VGLL1: variants seen among roughly 807,000 people sequenced by gnomAD.
The protein encoded by VGLL1 is vestigial like family member 1.
A neutral mutation model predicts 12.0 loss-of-function variants in VGLL1; 4 were observed. The observed-to-expected ratio is 0.33, with a 90% confidence interval of 0.16 to 0.76. The LOEUF (loss-of-function observed/expected upper bound fraction) is 0.76, where lower values mean the gene tolerates loss of function less well. Ranked by LOEUF, VGLL1 falls within the 30% of genes least tolerant of loss-of-function variation. The pLI is 0.60. For synonymous variants in VGLL1, 87 were observed against 81.2 expected (o/e 1.07, Z -0.39); for missense variants, 204 against 208.7 (o/e 0.98, Z 0.14).
chrX:136,552,905 C>A (rs2075890376), intron 4 of VGLL1, among the ~76,000 whole-genome samples: 1 of 111,560 alleles, frequency 9.0e-6, no homozygotes, highest in Non-Finnish European at 1.9e-5. Context: ...GGGCACTATC[C>A]TAAAATAAAG....
chrX:136,556,500 C>T lies in VGLL1; in HGVS notation c.738C>T (p.Asn246=). ...GGAAATACTCACTTACACCACCAAA[C>T]CACTGGGGCCACCCACATCGATACC... is the stretch of plus-strand genomic sequence containing the variant. ...TPGKYSLTPP[N]HWGHPHRYLQ... Residue 246 remains asparagine (N), a synonymous_variant, in exon 5 of 5, where the codon AAC becomes AAT. Coordinates refer to ENST00000370634, the MANE Select transcript of VGLL1 (RefSeq NM_016267.4). 8.3e-7 allele frequency: 1 copy of T among 1,211,436 alleles called. No individual in the cohort carries two copies. Among genetic ancestry groups the T allele is most frequent in the Non-Finnish European group, 1.1e-6 (1 of 895,213 alleles).
In VGLL1 at chrX:136,544,726, G is replaced by T. The variant is rs758435191; in HGVS notation, c.215-3863G>T. Among the ~76,000 whole-genome samples the T allele has an allele frequency of 2.7e-5, 3 of 112,369 alleles. No homozygotes were observed. In the South Asian group the frequency reaches 1.1e-3, roughly 42 times the overall value. ...CAAATTGTTCCTGCCCACCTCTGAT[G>T]TGTTATTCCCTGGGAATGGCCACAG... On this transcript the variant is annotated intron_variant, in intron 2 of 4. Coordinates refer to ENST00000370634, the MANE Select transcript of VGLL1 (RefSeq NM_016267.4).
At position 136,550,776 on chromosome X, in the gene VGLL1, C is replaced by A; in HGVS notation, c.643C>A (p.Leu215Ile). The A allele has an allele frequency of 8.3e-7, 1 of 1,205,702 alleles. No homozygotes were observed. Among genetic ancestry groups the A allele is most frequent in the Non-Finnish European group, 1.1e-6 (1 of 891,687 alleles). Residue 215 changes from leucine (L) to isoleucine (I), a missense_variant, in exon 4 of 5, where the codon CTA (leucine) becomes ATA (isoleucine). Physicochemically the swap from Leu to Ile is conservative, Grantham distance 5. Transcript: ENST00000370634. Reference protein sequence around the residue: ...LPPGSVHYKKLYVSRGSASTS... With the variant: ...LPPGSVHYKKIYVSRGSASTS... ...TTCTTCTTCTTTTCTAGATAAGAAACTATATGTATCTCGTGGATCTGCCAG... is the reference window on the plus strand; with the variant it reads ...TTCTTCTTCTTTTCTAGATAAGAAAATATATGTATCTCGTGGATCTGCCAG...
At chrX:136,551,664 T>C (rs1489545334) in intron 4 of VGLL1, among the ~76,000 whole-genome samples, 1 of 112,146 alleles carries the variant, frequency 8.9e-6, no homozygotes, top group African/African-American at 3.2e-5. Flanking sequence ...TGAAATAATG[T>C]ATACCAATGC....
At chrX:136,548,449 A>G in intron 2 of VGLL1, 140 bp from the exon 3 acceptor site, 7 of 654,177 alleles carry the variant, frequency 1.1e-5, no homozygotes, top group Non-Finnish European at 1.6e-5. Flanking sequence ...GTTTCTGGAT[A>G]TTATCATTAG....
At chrX:136,549,298 G>C (rs1029791083) in intron 3 of VGLL1, among the ~76,000 whole-genome samples, 3 of 111,593 alleles carry the variant, frequency 2.7e-5, no homozygotes, top group Admixed American at 9.5e-5. Context: ...GGGCTGCTGC[G>C]TAATATCGCA....
chrX:136,549,407 G>A (rs2075879261), intron 3 of VGLL1, among the ~76,000 whole-genome samples: 1 of 111,335 alleles, frequency 9.0e-6, no homozygotes, highest in African/African-American at 3.3e-5. Context: ...CTCTAAACAG[G>A]TTGGCAACTT....
At chrX:136,532,637 CTTTCTTTCTTTCTTTCTTTCTTTCT>C (rs2075827562) in intron 1 of VGLL1, among the ~76,000 whole-genome samples, 2 of 91,962 alleles carry the variant, frequency 2.2e-5, no homozygotes, top group Admixed American at 1.3e-4. Flanking sequence ...TTCTTTCTTT[CTTTCTTTCTTTCTTTCTTTCTTTCT>C]TTTTCTTTCT....
rs1603309801 is a variant in VGLL1 at position 136,550,779 on chromosome X, T to C, written c.646T>C (p.Tyr216His). 3 of 1,207,656 alleles carry C rather than the reference T, an allele frequency of 2.5e-6. No homozygotes were observed. The highest frequency in any genetic ancestry group is 1.8e-5 in the South Asian group (1 of 56,293). The change falls in exon 4 of 5, where the codon TAT (tyrosine) becomes CAT (histidine). Residue 216 changes from tyrosine to histidine, a missense_variant. Transcript: ENST00000370634. Reference protein sequence around the residue: ...PPGSVHYKKLYVSRGSASTSL... With the variant: ...PPGSVHYKKLHVSRGSASTSL... ...TTCTTCTTTTCTAGATAAGAAACTA[T>C]ATGTATCTCGTGGATCTGCCAGTAC...
intron 2 of VGLL1, among the ~76,000 whole-genome samples, chrX:136,539,063 C>G (rs991165421): frequency 1.8e-5 from 2 of 111,698 alleles, no homozygotes; most frequent in Non-Finnish European, 3.8e-5. Flanking sequence ...ATCTAACTGA[C>G]TCCTTGGAAG....
chrX:136,532,862 G>A (rs774838403), intron 1 of VGLL1, among the ~76,000 whole-genome samples: 9 of 109,349 alleles, frequency 8.2e-5, no homozygotes, highest in African/African-American at 2.3e-4. Context: ...TGTCTACTAC[G>A]AGAGGCTTTT....
At chrX:136,539,396 C>T (rs779055304) in intron 2 of VGLL1, among the ~76,000 whole-genome samples, 1 of 111,804 alleles carries the variant, frequency 8.9e-6, no homozygotes, top group South Asian at 3.8e-4. Flanking sequence ...TCCTTGAAAT[C>T]GCTCTTATCA....
At chrX:136,547,993 C>A (rs780552991) in intron 2 of VGLL1, among the ~76,000 whole-genome samples, 3 of 111,084 alleles carry the variant, frequency 2.7e-5, no homozygotes, top group South Asian at 7.7e-4. Flanking sequence ...TTTCCCTTCC[C>A]TTCCTTTCTT....
chrX:136,541,985 A>C (rs912009236), intron 2 of VGLL1, among the ~76,000 whole-genome samples: 1 of 111,547 alleles, frequency 9.0e-6, no homozygotes, highest in African/African-American at 3.3e-5. Flanking sequence ...TATAGTTTGT[A>C]GGGGGCATGG....
intron 4 of VGLL1, among the ~76,000 whole-genome samples, chrX:136,551,433 T>C (rs188005056): frequency 3.0e-4 from 34 of 111,609 alleles, no homozygotes; most frequent in African/African-American, 1.1e-3. Context: ...CCACACTCAA[T>C]TTGAAAGTGG....
intron 4 of VGLL1, among the ~76,000 whole-genome samples, chrX:136,554,062 T>G (rs1474881770): frequency 2.7e-5 from 3 of 112,267 alleles, no homozygotes; most frequent in Non-Finnish European, 1.9e-5. Flanking sequence ...GATATAACAG[T>G]GAATAAAATT....
At chrX:136,533,728 C>T (rs1245760135) in intron 1 of VGLL1, among the ~76,000 whole-genome samples, 1 of 111,814 alleles carries the variant, frequency 8.9e-6, no homozygotes, top group Admixed American at 9.5e-5. Flanking sequence ...AGGGTTCTGG[C>T]TTGAGGCCCC....
chrX:136,553,648 A>G (rs1430588034), intron 4 of VGLL1, among the ~76,000 whole-genome samples: 1 of 112,163 alleles, frequency 8.9e-6, no homozygotes, highest in African/African-American at 3.2e-5. Context: ...TATTAACCTC[A>G]TTTAAAAGTG....
chrX:136,541,447 G>A, intron 2 of VGLL1, among the ~76,000 whole-genome samples: 1 of 112,385 alleles, frequency 8.9e-6, no homozygotes, highest in Non-Finnish European at 1.9e-5. Context: ...CTCCCTCAAA[G>A]CCTCTCTTAT....
Sources: allele counts gnomAD v4.1 joint callset (sites outside exome capture counted in the v4.1 genomes callset), GRCh38; gene constraint gnomAD v4.1.1; transcripts MANE v1.5; gene names NCBI Gene and HGNC (gene_info 2026-07-23, HGNC 2026-07-21).